NOVA1: variants seen among roughly 807,000 people sequenced by gnomAD.
The protein encoded by NOVA1 is NOVA alternative splicing regulator 1, also known as RNA-binding protein Nova-1.
Under a neutral mutation model 38.0 loss-of-function variants are expected in NOVA1, and 7 were observed. The ratio of observed to expected loss-of-function variants is 0.18; its 90% CI spans 0.10 to 0.35. The LOEUF is 0.35. Ranked by LOEUF, NOVA1 falls within the 10% of genes least tolerant of loss-of-function variation. The pLI is 1.00. For synonymous variants in NOVA1, 270 were observed against 232.5 expected (o/e 1.16, Z -1.47); for missense variants, 460 against 616.0 (o/e 0.75, Z 2.68).
At chr14:26,492,504 CT>C in intron 2 of NOVA1, among the ~76,000 whole-genome samples, 1 of 152,196 alleles carries the variant, frequency 6.6e-6, no homozygotes, top group African/African-American at 2.4e-5. Flanking sequence ...CCATAAATTC[CT>C]TTTACCATTT....
chr14:26,472,089 T>C (rs1353965596), intron 4 of NOVA1: 4 of 451,444 alleles, frequency 8.9e-6, no homozygotes. Flanking sequence ...GGAAAAATAA[T>C]AAAAAATTAG....
intron 2 of NOVA1, among the ~76,000 whole-genome samples, chr14:26,539,478 T>C (rs1890313129): frequency 6.6e-6 from 1 of 151,954 alleles, no homozygotes; most frequent in Non-Finnish European, 1.5e-5. Context: ...TCCAAGAAAA[T>C]AACTGAGACA....
At chr14:26,546,782 G>A (rs1360207840) in intron 2 of NOVA1, among the ~76,000 whole-genome samples, 2 of 152,116 alleles carry the variant, frequency 1.3e-5, no homozygotes, top group East Asian at 3.9e-4. Context: ...CACTTTGGGA[G>A]GCCAAGATGG....
At chr14:26,563,314 C>T (rs1215928058) in intron 2 of NOVA1, among the ~76,000 whole-genome samples, 1 of 147,090 alleles carries the variant, frequency 6.8e-6, no homozygotes, top group Admixed American at 6.7e-5. Flanking sequence ...AAAATAAGAA[C>T]AATATGTCAC....
At chr14:26,554,975 G>T (rs146811133) in intron 2 of NOVA1, among the ~76,000 whole-genome samples, 8 of 152,130 alleles carry the variant, frequency 5.3e-5, no homozygotes, top group African/African-American at 1.9e-4. Flanking sequence ...TGCATTTGTA[G>T]AAAATACTAG....
In NOVA1 at chr14:26,590,822, C is replaced by T. The variant is rs188050631; in HGVS notation, c.280+4588G>A. Among the ~76,000 whole-genome samples, 3 of 151,810 alleles carry T rather than the reference C, an allele frequency of 2.0e-5. No homozygotes were observed. The East Asian group carries it at 5.8e-4, about 29-fold the overall frequency. On this transcript the variant is annotated intron_variant, in intron 2 of 4. Transcript: ENST00000539517. Reference sequence around the variant, plus strand: ...TACAGTGACACAAATTTTAAATGAGCTGTTTTTCCAAAGCCCAGAAAGCAT... The same window carrying T: ...TACAGTGACACAAATTTTAAATGAGTTGTTTTTCCAAAGCCCAGAAAGCAT...
intron 2 of NOVA1, among the ~76,000 whole-genome samples, chr14:26,510,405 G>A (rs1887979462): frequency 6.6e-6 from 1 of 152,080 alleles, no homozygotes; most frequent in African/African-American, 2.4e-5. Context: ...CTTCAGAAGG[G>A]TCTGGGTTAA....
In NOVA1 at chr14:26,597,647, C is replaced by CT. The variant is rs1454025606; in HGVS notation, c.-212dup. ...GGGAGGGGGCAGGGCTGAGGAGCAG[C>CT]TGCAGTGCAGTGTCAGAAAGGAGAC... On this transcript the variant is annotated 5_prime_UTR_variant, in exon 1 of 5. Transcript: ENST00000539517. 3 of 1,206,934 alleles carry CT rather than the reference C, an allele frequency of 2.5e-6. No individual in the cohort carries two copies. In the African/African-American group the frequency reaches 4.8e-5, roughly 19 times the overall value. 74.8% of individuals were successfully genotyped at this position (1,206,934 alleles called of 1,614,324 possible).
chr14:26,489,478 T>C (rs997108109), intron 2 of NOVA1, among the ~76,000 whole-genome samples: 1 of 151,682 alleles, frequency 6.6e-6, no homozygotes, highest in Non-Finnish European at 1.5e-5. Context: ...AACAGAAATT[T>C]AAGCGTATAT....
intron 4 of NOVA1, among the ~76,000 whole-genome samples, chr14:26,465,038 C>G (rs1370799822): frequency 2.0e-5 from 3 of 152,154 alleles, no homozygotes; most frequent in Admixed American, 2.0e-4. Flanking sequence ...ATCTAATAGA[C>G]ATAACAAAAT....
intron 2 of NOVA1, among the ~76,000 whole-genome samples, chr14:26,498,348 G>T (rs1015874734): frequency 2.6e-5 from 4 of 151,910 alleles, no homozygotes; most frequent in African/African-American, 9.7e-5. Flanking sequence ...TTACAGGCGT[G>T]AGCCACCGTG....
At chr14:26,456,832 T>C (rs986969108) in intron 4 of NOVA1, among the ~76,000 whole-genome samples, 26 of 152,016 alleles carry the variant, frequency 1.7e-4, no homozygotes, top group African/African-American at 6.3e-4. Context: ...AGGTAAGTGT[T>C]TATAAGTCAA....
chr14:26,544,616 T>G (rs371222039), intron 2 of NOVA1, among the ~76,000 whole-genome samples: 1 of 152,008 alleles, frequency 6.6e-6, no homozygotes, highest in Non-Finnish European at 1.5e-5. Context: ...CTTTAATTCA[T>G]TAAACATTTT....
intron 2 of NOVA1, among the ~76,000 whole-genome samples, chr14:26,550,266 A>G (rs1425096929): frequency 6.6e-6 from 1 of 152,186 alleles, no homozygotes; most frequent in East Asian, 1.9e-4. Context: ...GTAAGACATC[A>G]AAACTGAAGC....
chr14:26,577,983 A>C (rs966698333), intron 2 of NOVA1, among the ~76,000 whole-genome samples: 1 of 151,986 alleles, frequency 6.6e-6, no homozygotes, highest in African/African-American at 2.4e-5. Context: ...AGAAAAAAAG[A>C]AGTCCAAGGA....
intron 2 of NOVA1, among the ~76,000 whole-genome samples, chr14:26,504,014 T>C (rs1566485378): frequency 6.6e-6 from 1 of 152,150 alleles, no homozygotes. Context: ...CTCTTTATAC[T>C]CAAAATATGA....
rs982409062 is a variant in NOVA1, at chr14:26,445,749, A to G, written c.*2210T>C. On this transcript the variant is annotated 3_prime_UTR_variant, in exon 5 of 5. Transcript: ENST00000539517. ...CTTTTTCAAACTAAGTGGGGCCCCA[A>G]TCTTTGCCTTTGTTCACTGCTGACT... The G allele has an allele frequency of 6.6e-6, 1 of 152,404 alleles. No individual in the cohort carries two copies. The highest frequency in any genetic ancestry group is 2.4e-5 in the African/African-American group (1 of 41,412). The allele number at this position is 152,404 out of a possible 1,614,324, so 9.4% of individuals were successfully genotyped here.
intron 1 of NOVA1, 200 bp downstream of exon 1, chr14:26,597,101 A>T: frequency 8.1e-7 from 1 of 1,232,076 alleles, no homozygotes; most frequent in African/African-American, 1.6e-5. Context: ...CAGAAATGGA[A>T]ATGTGTCGGG....
chr14:26,526,094 T>C (rs1003904792), intron 2 of NOVA1, among the ~76,000 whole-genome samples: 1 of 152,132 alleles, frequency 6.6e-6, no homozygotes, highest in Non-Finnish European at 1.5e-5. Context: ...AACTGCTTGC[T>C]AATTTATAAT....
Sources: allele counts gnomAD v4.1 joint callset (sites outside exome capture counted in the v4.1 genomes callset), GRCh38; gene constraint gnomAD v4.1.1; transcripts MANE v1.5; gene names NCBI Gene and HGNC (gene_info 2026-07-23, HGNC 2026-07-21).